SFXN5: variants seen among roughly 807,000 people sequenced by gnomAD.
SFXN5 encodes the protein sideroflexin-5.
Under a neutral mutation model 50.2 loss-of-function variants are expected in SFXN5, and 43 were observed. The observed-to-expected ratio is 0.86, with a 90% CI of 0.67 to 1.11. The LOEUF (loss-of-function observed/expected upper bound fraction) is 1.11. Among genes scored for constraint, SFXN5 ranks in the 50% least tolerant of loss-of-function variants. The pLI is 0.00. For missense variants in SFXN5, 463 were observed against 454.1 expected, an observed-to-expected ratio of 1.02 and a Z score of -0.18; for synonymous variants, 203 against 185.8, an observed-to-expected ratio of 1.09 and a Z score of -0.75.
intron 10 of SFXN5, 40 bp downstream of exon 10, chr2:72,988,217 AC>A (rs1262457657): frequency 1.3e-6 from 2 of 1,581,082 alleles, no homozygotes; most frequent in African/African-American, 2.7e-5. Context: ...GGTCCCCCAC[AC>A]CCACCCACAG....
intron 3 of SFXN5, among the ~76,000 whole-genome samples, chr2:73,032,502 A>C (rs983331594): frequency 5.3e-5 from 8 of 152,218 alleles, no homozygotes; most frequent in African/African-American, 1.7e-4. Context: ...TAATTTCAAA[A>C]ACAGCCAGCA....
intron 1 of SFXN5, among the ~76,000 whole-genome samples, chr2:73,060,701 TTC>T (rs1300530204): frequency 6.0e-5 from 8 of 133,034 alleles, no homozygotes; most frequent in Non-Finnish European, 1.1e-4. Flanking sequence ...AATGTCCTTG[TTC>T]TTTTTTTTTT....
intron 3 of SFXN5, among the ~76,000 whole-genome samples, chr2:73,024,718 A>G (rs1286233725): frequency 1.3e-5 from 2 of 152,236 alleles, no homozygotes; most frequent in African/African-American, 2.4e-5. Context: ...TAATGGAGAA[A>G]GAAGGCTATG....
chr2:73,022,063 G>A (rs1458340665), intron 5 of SFXN5, among the ~76,000 whole-genome samples: 2 of 152,194 alleles, frequency 1.3e-5, no homozygotes, highest in East Asian at 3.9e-4. Flanking sequence ...GAGGGCTAAT[G>A]GCAGGATCAG....
At chr2:73,067,004 G>T (rs983632485) in intron 1 of SFXN5, among the ~76,000 whole-genome samples, 4 of 152,012 alleles carry the variant, frequency 2.6e-5, no homozygotes, top group Non-Finnish European at 2.9e-5. Flanking sequence ...ATTAATTACT[G>T]TTCCACTGTA....
rs1354566005 is a variant in SFXN5 at position 72,960,598 on chromosome 2, G to A, written c.945+533C>T. On this transcript the variant is annotated intron_variant, in intron 13 of 13. Coordinates refer to ENST00000272433, the MANE Select transcript of SFXN5 (RefSeq NM_144579.3). The surrounding 1 kb of genome is among the most constrained non-coding windows in gnomAD (Gnocchi z 6.1). The stretch of plus-strand genomic sequence containing the variant: ...TGTGGTCTGCCCTGCACAGCCCTTA[G>A]GAGGACATTCACCCTCTCTGTTCTG... Among the ~76,000 whole-genome samples the A allele has an allele frequency of 2.0e-5, 3 of 152,040 alleles. 1 individual carries two copies. The highest frequency in any genetic ancestry group is 4.1e-4 in the South Asian group (2 of 4,828).
intron 1 of SFXN5, among the ~76,000 whole-genome samples, chr2:73,066,419 A>G (rs1303716422): frequency 1.3e-5 from 2 of 152,062 alleles, no homozygotes; most frequent in Non-Finnish European, 2.9e-5. Flanking sequence ...TTAGCAAGGC[A>G]TGGTGGCATG....
intron 3 of SFXN5, among the ~76,000 whole-genome samples, chr2:73,026,157 T>G (rs1677529477): frequency 1.5e-5 from 2 of 130,062 alleles, no homozygotes. Flanking sequence ...AGACAGAGTC[T>G]TGCTCTGTCG....
chr2:73,028,120 T>G (rs1677827985), intron 3 of SFXN5, among the ~76,000 whole-genome samples: 1 of 152,214 alleles, frequency 6.6e-6, no homozygotes, highest in Non-Finnish European at 1.5e-5. Flanking sequence ...AGCCTAGGTG[T>G]GGAGTAGACT....
Position 73,053,137 on chromosome 2 carries a change from G to A in SFXN5, c.171+5391C>T, listed in dbSNP as rs373587518. On this transcript the variant is annotated intron_variant, in intron 2 of 13. Transcript: ENST00000272433. ...GGCTGCAGTGAGCCAAGATGCCACC[G>A]CACTCCAGCCTGGGCAACAGAGTAA... is the stretch of plus-strand genomic sequence containing the variant. Among the ~76,000 whole-genome samples the A allele has an allele frequency of 5.1e-4, 76 of 149,842 alleles. 1 individual carries two copies. The South Asian group carries it at 0.011, about 22-fold the overall frequency.
chr2:72,946,897 C>T (rs1672004813), intron 13 of SFXN5, among the ~76,000 whole-genome samples: 1 of 152,206 alleles, frequency 6.6e-6, no homozygotes, highest in South Asian at 2.1e-4. Context: ...CCACCCTGCT[C>T]CTTGGACTGG....
chr2:72,943,570 AG>A lies in SFXN5; in HGVS notation c.*1451del. 6.5e-6 allele frequency: 1 copy of A among 153,106 alleles called. No homozygotes were observed. Among genetic ancestry groups the A allele is most frequent in the Non-Finnish European group, 1.5e-5 (1 of 68,294 alleles). 9.5% of individuals were successfully genotyped at this position (153,106 alleles called of 1,614,324 possible). On this transcript the variant is annotated 3_prime_UTR_variant, in exon 14 of 14. Transcript: ENST00000272433. ...GGGAGGGAGATGGGAGCCAGCAGCA[AG>A]GGGCCTCTGAGGCTGCCAGAGTGAG...
chr2:73,024,138 C>T (rs576661559), intron 3 of SFXN5, among the ~76,000 whole-genome samples: 24 of 152,150 alleles, frequency 1.6e-4, no homozygotes, highest in Non-Finnish European at 8.8e-5. Context: ...ATTCTCCCGC[C>T]TCAGCCTCCT....
At chr2:73,024,365 A>G (rs975957056) in intron 3 of SFXN5, among the ~76,000 whole-genome samples, 5 of 152,122 alleles carry the variant, frequency 3.3e-5, no homozygotes, top group Admixed American at 3.3e-4. Context: ...AAAAATTTAC[A>G]CTGTCGGGGG....
At chr2:72,991,402 G>A (rs1672587193) in intron 9 of SFXN5, among the ~76,000 whole-genome samples, 1 of 152,288 alleles carries the variant, frequency 6.6e-6, no homozygotes, top group African/African-American at 2.4e-5. Flanking sequence ...CAAGAAAGGG[G>A]CTGGGGACCA....
At chr2:73,059,199 C>G (rs1277100781) in intron 1 of SFXN5, 2 of 986,038 alleles carry the variant, frequency 2.0e-6, no homozygotes, top group Admixed American at 6.1e-5. Flanking sequence ...AAAAGGAGGG[C>G]TTTATGCTAA....
rs561507459 is a variant in SFXN5 at position 72,961,013 on chromosome 2, G to A, written c.945+118C>T. On this transcript the variant is annotated intron_variant, in intron 13 of 13. Transcript: ENST00000272433. The surrounding 1 kb of genome is among the most constrained non-coding windows in gnomAD (Gnocchi z 4.4). ...CAGAGCCTGGGCCAGCCTCATTCAC[G>A]GTTCCAGCCCCAGCGCCTAGCATGG... 2.6e-5 allele frequency: 17 copies of A among 651,940 alleles called. No homozygotes were observed. The highest frequency in any genetic ancestry group is 3.5e-5 in the Non-Finnish European group (15 of 424,234). 40.4% of individuals were successfully genotyped at this position (651,940 alleles called of 1,614,324 possible).
chr2:72,970,895 C>T (rs1472107331), intron 11 of SFXN5, among the ~76,000 whole-genome samples: 1 of 152,060 alleles, frequency 6.6e-6, no homozygotes, highest in African/African-American at 2.4e-5. Context: ...GCCATGTTGG[C>T]CAGGCTGGTC....
At chr2:72,987,500 G>A (rs1440391406) in intron 10 of SFXN5, among the ~76,000 whole-genome samples, 1 of 151,892 alleles carries the variant, frequency 6.6e-6, no homozygotes, top group Non-Finnish European at 1.5e-5. Flanking sequence ...GCTCACGTCT[G>A]TAATCCCAGC....
Sources: gnomAD v4.1 joint callset for allele counts (sites outside exome capture counted in the v4.1 genomes callset) on GRCh38, gnomAD v4.1.1 for gene constraint, Gnocchi (gnomAD v3.1) non-coding constraint, MANE v1.5 for transcripts, NCBI Gene and HGNC (gene_info 2026-07-23, HGNC 2026-07-21) for gene names.